GRIP1: variants seen among roughly 807,000 people sequenced by gnomAD.
GRIP1 encodes the protein glutamate receptor-interacting protein 1.
GRIP1 carries 45 observed loss-of-function variants against 129.9 expected under a neutral mutation model. That is an observed-to-expected ratio of 0.35 (90% CI 0.27 to 0.44). The LOEUF (loss-of-function observed/expected upper bound fraction) is 0.44, where lower values mean the gene tolerates loss of function less well. Among genes scored for constraint, GRIP1 ranks in the 20% least tolerant of loss-of-function variants. The probability of loss-of-function intolerance (pLI) is 1.00; values close to 1 mark genes in which losing one functional copy is unlikely to be tolerated. For synonymous variants in GRIP1, 530 were observed against 520.8 expected, an observed-to-expected ratio of 1.02 and a Z score of -0.24; for missense variants, 1,196 against 1,396.8, an observed-to-expected ratio of 0.86 and a Z score of 2.29.
chr12:66,964,207 C>A (rs2041963719), intron 1 of GRIP1, among the ~76,000 whole-genome samples: 2 of 152,182 alleles, frequency 1.3e-5, no homozygotes, highest in South Asian at 4.1e-4. Flanking sequence ...ATTTATTCAG[C>A]AATTTTTTTG....
chr12:66,915,386 C>G (rs778215269), intron 1 of GRIP1, among the ~76,000 whole-genome samples: 14 of 152,182 alleles, frequency 9.2e-5, no homozygotes, highest in Non-Finnish European at 1.3e-4. Flanking sequence ...AGACTGTAGG[C>G]TTCCCAGACA....
intron 13 of GRIP1, among the ~76,000 whole-genome samples, chr12:66,436,307 A>G (rs1243190467): frequency 1.3e-5 from 2 of 152,210 alleles, no homozygotes; most frequent in Non-Finnish European, 2.9e-5. Flanking sequence ...ACTCCCACCA[A>G]TGCAGAGAAA....
At chr12:66,532,188 G>T (rs184970003) in intron 4 of GRIP1, among the ~76,000 whole-genome samples, 2 of 152,294 alleles carry the variant, frequency 1.3e-5, no homozygotes, top group Admixed American at 1.3e-4. Flanking sequence ...TAATGAAATA[G>T]ATTTGGTCTT....
intron 1 of GRIP1, among the ~76,000 whole-genome samples, chr12:66,897,577 C>T (rs181232933): frequency 8.5e-5 from 13 of 152,288 alleles, no homozygotes; most frequent in African/African-American, 2.6e-4. Context: ...GCATGGGAGG[C>T]AGTCATGATG....
At position 66,950,661 on chromosome 12, in the gene GRIP1, T is replaced by TTG. The variant is rs758156460; in HGVS notation, c.58+118387_58+118388dup. Among the ~76,000 whole-genome samples, 70 of 151,876 alleles carry TTG rather than the reference T, an allele frequency of 4.6e-4. 1 individual carries two copies. The highest frequency in any genetic ancestry group is 4.4e-4 in the Non-Finnish European group (30 of 67,928). On this transcript the variant is annotated intron_variant, in intron 1 of 1. Coordinates refer to the GRIP1 transcript ENST00000643019. ...ATGGAAAATATTAAATTCCTAAAGT[T>TTG]TGTGTGTGTGTGCGTGTGTCTGTGT...
chr12:66,376,879 C>CTTGT (rs2055810156), intron 22 of GRIP1, 138 bp downstream of exon 22: 3 of 782,470 alleles, frequency 3.8e-6, no homozygotes, highest in Non-Finnish European at 7.0e-6. Context: ...TGGCAGAAGC[C>CTTGT]ACAAGTCAGT....
At chr12:66,909,195 C>A (rs951543572) in intron 1 of GRIP1, among the ~76,000 whole-genome samples, 1 of 152,112 alleles carries the variant, frequency 6.6e-6, no homozygotes, top group Non-Finnish European at 1.5e-5. Flanking sequence ...CACGTTAGTA[C>A]ATTATGATGC....
At chr12:66,672,700 T>C (rs1465684544) in intron 1 of GRIP1, among the ~76,000 whole-genome samples, 3 of 152,126 alleles carry the variant, frequency 2.0e-5, no homozygotes, top group East Asian at 3.8e-4. Context: ...CTAGAAACTA[T>C]GTATTTTGCC....
chr12:66,983,611 A>G (rs2042269509), intron 1 of GRIP1, among the ~76,000 whole-genome samples: 1 of 152,314 alleles, frequency 6.6e-6, no homozygotes, highest in South Asian at 2.1e-4. Context: ...TAATAATAAA[A>G]CCAACATAAA....
chr12:66,734,207 T>G (rs2036527073), intron 1 of GRIP1, among the ~76,000 whole-genome samples: 1 of 152,204 alleles, frequency 6.6e-6, no homozygotes, highest in Non-Finnish European at 1.5e-5. Flanking sequence ...CAATTACTTT[T>G]TTACAACCTT....
chr12:66,676,689 G>A (rs886487644), intron 1 of GRIP1, among the ~76,000 whole-genome samples: 2 of 152,170 alleles, frequency 1.3e-5, no homozygotes, highest in African/African-American at 2.4e-5. Context: ...GGGTGAGGGT[G>A]TGGGAGTTGT....
intron 1 of GRIP1, among the ~76,000 whole-genome samples, chr12:66,899,730 T>C (rs1234474987): frequency 3.3e-5 from 5 of 152,132 alleles, no homozygotes; most frequent in Admixed American, 6.6e-5. Flanking sequence ...CTTCAATTGC[T>C]CATGCATGCA....
intron 1 of GRIP1, among the ~76,000 whole-genome samples, chr12:66,958,340 C>T (rs1179458811): frequency 4.6e-5 from 7 of 152,134 alleles, no homozygotes; most frequent in African/African-American, 1.7e-4. Context: ...ACTGCGTGGG[C>T]CAGGCTGGTC....
rs79478124 is a variant in GRIP1 at position 66,387,583 on chromosome 12, G to A, written c.2464+4725C>T. On this transcript the variant is annotated intron_variant, in intron 19 of 24. Transcript: ENST00000359742. ...ATAGAAAAACAAAGCGATAGCAGAT[G>A]AAGAATACTCATGAGAAAAAGCCTG... 5.0e-3 allele frequency among the ~76,000 whole-genome samples: 768 copies of A among 152,280 alleles called. 32 individuals carry two copies. In the East Asian group the frequency reaches 0.1, roughly 20 times the overall value.
chr12:66,489,418 C>T (rs1028336588), intron 7 of GRIP1, among the ~76,000 whole-genome samples: 3 of 151,832 alleles, frequency 2.0e-5, no homozygotes, highest in African/African-American at 7.2e-5. Context: ...TTCAACATCT[C>T]TTCATGCTAA....
Position 66,606,121 on chromosome 12 carries a change from T to C in GRIP1, c.56-9194A>G, listed in dbSNP as rs986070. Among the ~76,000 whole-genome samples the C allele has an allele frequency of 2.0e-5, 3 of 152,294 alleles. No homozygotes were observed. In the East Asian group the frequency reaches 5.8e-4, roughly 29 times the overall value. ...CTTAGAAACAATGGTCCAAAGGATG[T>C]TCCCAATAAGCCAAGGGAAACCAAG... On this transcript the variant is annotated intron_variant, in intron 1 of 24. Transcript: ENST00000359742.
intron 9 of GRIP1, among the ~76,000 whole-genome samples, chr12:66,458,893 T>C (rs1336615685): frequency 1.3e-5 from 2 of 152,244 alleles, no homozygotes; most frequent in South Asian, 2.1e-4. Context: ...TTCTCATCAT[T>C]CAGGTCTCAC....
chr12:66,515,587 T>C lies in GRIP1; in HGVS notation c.724+32A>G, dbSNP rs1173822391. Reference sequence around the variant, plus strand: ...GGGACAGACAGTGACGTTCTGGTGCTTAGAGATCACACCCTCAGGACCCCA... The same window carrying C: ...GGGACAGACAGTGACGTTCTGGTGCCTAGAGATCACACCCTCAGGACCCCA... On this transcript the variant is annotated intron_variant, in intron 7 of 24. Coordinates refer to ENST00000359742, the MANE Select transcript of GRIP1 (RefSeq NM_001366722.1). 5.0e-6 allele frequency: 8 copies of C among 1,596,608 alleles called. No homozygotes were observed. The South Asian group carries it at 8.8e-5, about 18-fold the overall frequency.
chr12:66,713,159 G>A (rs2035764722), intron 1 of GRIP1, among the ~76,000 whole-genome samples: 2 of 151,870 alleles, frequency 1.3e-5, no homozygotes, highest in Non-Finnish European at 2.9e-5. Flanking sequence ...ATTAATTTTT[G>A]TCTTTATGAC....
Sources: allele counts gnomAD v4.1 joint callset (sites outside exome capture counted in the v4.1 genomes callset), GRCh38; gene constraint gnomAD v4.1.1; transcripts MANE v1.5; gene names NCBI Gene and HGNC (gene_info 2026-07-23, HGNC 2026-07-21).